Variants in CNTNAP2 observed in about 807,000 individuals in gnomAD.
CNTNAP2 encodes the protein contactin-associated protein-like 2.
A neutral mutation model predicts 155.2 loss-of-function variants in CNTNAP2; 98 were observed. That is an observed-to-expected ratio of 0.63 (90% CI 0.54 to 0.75). The LOEUF (loss-of-function observed/expected upper bound fraction) is 0.75. Ranked by LOEUF, CNTNAP2 falls within the 30% of genes least tolerant of loss-of-function variation. The pLI, the probability that CNTNAP2 is intolerant of heterozygous loss-of-function variation, is 0.00. For missense variants in CNTNAP2, 1,727 were observed against 1,688.1 expected, an observed-to-expected ratio of 1.02 and a Z score of -0.40; for synonymous variants, 651 against 631.2, an observed-to-expected ratio of 1.03 and a Z score of -0.47.
chr7:147,001,719 A>G (rs1798426648), intron 3 of CNTNAP2, among the ~76,000 whole-genome samples: 1 of 152,000 alleles, frequency 6.6e-6, no homozygotes, highest in African/African-American at 2.4e-5. Flanking sequence ...GAGGATAGTT[A>G]TAATGATCTG....
chr7:146,979,956 A>G (rs1410638346), intron 3 of CNTNAP2, among the ~76,000 whole-genome samples: 1 of 152,190 alleles, frequency 6.6e-6, no homozygotes, highest in Admixed American at 6.5e-5. Flanking sequence ...TGGCTTTGAC[A>G]TTACTTTTAA....
chr7:146,630,864 C>T (rs1053340080), intron 1 of CNTNAP2, among the ~76,000 whole-genome samples: 7 of 151,938 alleles, frequency 4.6e-5, no homozygotes, highest in Non-Finnish European at 8.8e-5. Flanking sequence ...ATGTGAAAGA[C>T]CTCTTCAAGG....
chr7:146,452,942 A>T (rs1458967302), intron 1 of CNTNAP2, among the ~76,000 whole-genome samples: 1 of 152,220 alleles, frequency 6.6e-6, no homozygotes, highest in African/African-American at 2.4e-5. Context: ...GATCTTTGAC[A>T]GGTTGGAAAC....
chr7:146,721,073 C>CTCTATAT (rs1174804462), intron 1 of CNTNAP2, among the ~76,000 whole-genome samples: 19 of 126,960 alleles, frequency 1.5e-4, no homozygotes, highest in African/African-American at 5.7e-4. Context: ...TATATATATA[C>CTCTATAT]TCTATATATA....
At chr7:147,738,576 A>T (rs1404649894) in intron 13 of CNTNAP2, among the ~76,000 whole-genome samples, 3 of 152,076 alleles carry the variant, frequency 2.0e-5, no homozygotes, top group African/African-American at 7.2e-5. Context: ...AGCATTTTTT[A>T]AATTAAGGTA....
Position 148,249,023 on chromosome 7 carries a change from G to T in CNTNAP2, c.3382-18010G>T, listed in dbSNP as rs183810621. ...CCACTGGTAAATCTTCTTTCGTGAAGTGTCTGTTCAAGCCTTTGGCCCCTT... is the reference window on the plus strand; with the variant it reads ...CCACTGGTAAATCTTCTTTCGTGAATTGTCTGTTCAAGCCTTTGGCCCCTT... On this transcript the variant is annotated intron_variant, in intron 20 of 23. Coordinates refer to ENST00000361727, the MANE Select transcript of CNTNAP2 (RefSeq NM_014141.6). Among the ~76,000 whole-genome samples the T allele has an allele frequency of 2.4e-3, 367 of 152,292 alleles. 2 individuals are homozygous for T. The highest frequency in any genetic ancestry group is 8.4e-3 in the African/African-American group (348 of 41,566).
At chr7:147,889,252 C>T (rs1799647387) in intron 13 of CNTNAP2, among the ~76,000 whole-genome samples, 1 of 151,404 alleles carries the variant, frequency 6.6e-6, no homozygotes, top group Non-Finnish European at 1.5e-5. Flanking sequence ...AAAAAGCAAA[C>T]AAGAGAGAAA....
chr7:147,505,748 G>A (rs1423031114), intron 11 of CNTNAP2, among the ~76,000 whole-genome samples: 1 of 152,168 alleles, frequency 6.6e-6, no homozygotes, highest in Non-Finnish European at 1.5e-5. Context: ...ACAACCTGTA[G>A]AGCTGTAGGT....
chr7:147,079,026 C>A (rs1028022176), intron 4 of CNTNAP2, among the ~76,000 whole-genome samples: 2 of 152,150 alleles, frequency 1.3e-5, no homozygotes, highest in Non-Finnish European at 2.9e-5. Flanking sequence ...GCTGGGATTA[C>A]AGGTGTGAGC....
At chr7:146,389,692 TTTTCTTTTTTC>T (rs1407179284) in intron 1 of CNTNAP2, among the ~76,000 whole-genome samples, 143 of 148,388 alleles carry the variant, frequency 9.6e-4, no homozygotes, top group African/African-American at 3.4e-3. Context: ...TTCTTTTTTC[TTTTCTTTTTTC>T]TTTTTTTTTT....
chr7:147,963,531 C>T (rs1466848986), intron 14 of CNTNAP2, among the ~76,000 whole-genome samples: 1 of 152,110 alleles, frequency 6.6e-6, no homozygotes, highest in African/African-American at 2.4e-5. Context: ...CATGTACAAA[C>T]AGAGGAATGT....
At chr7:147,883,751 CTTTT>C (rs1181038246) in intron 13 of CNTNAP2, among the ~76,000 whole-genome samples, 1 of 151,808 alleles carries the variant, frequency 6.6e-6, no homozygotes, top group East Asian at 1.9e-4. Flanking sequence ...TTTATTTTCT[CTTTT>C]TTCTTTTTTT....
intron 1 of CNTNAP2, among the ~76,000 whole-genome samples, chr7:146,612,057 A>G (rs1799147143): frequency 6.6e-6 from 1 of 152,206 alleles, no homozygotes; most frequent in Non-Finnish European, 1.5e-5. Flanking sequence ...TTGTTACATC[A>G]GATTACAGCC....
At chr7:147,713,254 A>G (rs1169429077) in intron 13 of CNTNAP2, among the ~76,000 whole-genome samples, 1 of 152,138 alleles carries the variant, frequency 6.6e-6, no homozygotes, top group Non-Finnish European at 1.5e-5. Context: ...ATGCAGTTGT[A>G]TAATCACCAC....
At chr7:147,866,145 A>G (rs10239135) in intron 13 of CNTNAP2, among the ~76,000 whole-genome samples, 2,446 of 152,340 alleles carry the variant, frequency 0.016, 63 homozygotes, top group African/African-American at 0.055. Context: ...TTGGTTTCAA[A>G]GAACATCTTT....
At chr7:146,532,228 T>A (rs976149129) in intron 1 of CNTNAP2, among the ~76,000 whole-genome samples, 2 of 152,078 alleles carry the variant, frequency 1.3e-5, no homozygotes, top group African/African-American at 2.4e-5. Flanking sequence ...TAATTTAGGC[T>A]TTTTTTGCAT....
intron 14 of CNTNAP2, among the ~76,000 whole-genome samples, chr7:147,955,712 GGA>G (rs1461557151): frequency 6.6e-6 from 1 of 152,102 alleles, no homozygotes; most frequent in Non-Finnish European, 1.5e-5. Flanking sequence ...CTGACCAAGT[GGA>G]TCGGAAATGT....
chr7:147,084,936 A>T (rs905882593), intron 4 of CNTNAP2, among the ~76,000 whole-genome samples: 24 of 151,310 alleles, frequency 1.6e-4, no homozygotes, highest in Non-Finnish European at 5.9e-5. Context: ...TAATATCTCA[A>T]GTTTACATTG....
At chr7:147,382,771 A>G (rs1796557219) in intron 9 of CNTNAP2, among the ~76,000 whole-genome samples, 2 of 152,202 alleles carry the variant, frequency 1.3e-5, no homozygotes, top group Admixed American at 1.3e-4. Flanking sequence ...AGACGAGGTA[A>G]GAGACAAGAA....
Sources: gnomAD v4.1 joint callset for allele counts (sites outside exome capture counted in the v4.1 genomes callset) on GRCh38, gnomAD v4.1.1 for gene constraint, MANE v1.5 for transcripts, NCBI Gene and HGNC (gene_info 2026-07-23, HGNC 2026-07-21) for gene names.